The following AGBL1 variants were observed in gnomAD, a reference collection of about 807,000 sequenced individuals.
The protein encoded by AGBL1 is AGBL carboxypeptidase 1, also known as cytosolic carboxypeptidase 4.
A neutral mutation model predicts 118.9 loss-of-function variants in AGBL1; 130 were observed. The observed-to-expected ratio is 1.09, with a 90% CI of 0.95 to 1.26. The LOEUF (loss-of-function observed/expected upper bound fraction) is 1.26, where lower values mean the gene tolerates loss of function less well. Ranked by LOEUF, AGBL1 falls within the 50% of genes most tolerant of loss-of-function variation. The pLI is 0.00. For missense variants in AGBL1, 1,584 were observed against 1,298.1 expected (o/e 1.22, Z -3.38); for synonymous variants, 555 against 478.9 (o/e 1.16, Z -2.08).
At chr15:86,362,564 G>T (rs751738690) in intron 17 of AGBL1, among the ~76,000 whole-genome samples, 3 of 152,152 alleles carry the variant, frequency 2.0e-5, no homozygotes, top group Non-Finnish European at 4.4e-5. Flanking sequence ...CATGTTTCCT[G>T]GATGCCTGGA....
intron 24 of AGBL1, among the ~76,000 whole-genome samples, chr15:87,020,188 C>T (rs566512012): frequency 1.3e-5 from 2 of 151,678 alleles, no homozygotes; most frequent in East Asian, 3.9e-4. Flanking sequence ...GAGGTACAAA[C>T]AAGAGCTGGT....
At chr15:86,578,819 T>C (rs1039040547) in intron 21 of AGBL1, among the ~76,000 whole-genome samples, 1 of 152,192 alleles carries the variant, frequency 6.6e-6, no homozygotes, top group African/African-American at 2.4e-5. Flanking sequence ...CTGTGAAGCC[T>C]CCCAGCCATG....
chr15:86,545,436 C>T (rs1596250179), intron 19 of AGBL1, among the ~76,000 whole-genome samples: 1 of 152,144 alleles, frequency 6.6e-6, no homozygotes, highest in East Asian at 1.9e-4. Context: ...GGTACAAGTA[C>T]AGATTTGTTG....
chr15:86,341,795 C>T (rs1247725452), intron 17 of AGBL1, among the ~76,000 whole-genome samples: 1 of 152,068 alleles, frequency 6.6e-6, no homozygotes, highest in African/African-American at 2.4e-5. Context: ...CTTTGTCCTT[C>T]CTTGTTACTT....
At chr15:86,268,979 A>G (rs116010049) in intron 13 of AGBL1, among the ~76,000 whole-genome samples, 1 of 152,210 alleles carries the variant, frequency 6.6e-6, no homozygotes, top group East Asian at 1.9e-4. Context: ...AAAATGAAAT[A>G]TCCTGATAAT....
At chr15:87,014,048 A>G (rs1307428124) in intron 24 of AGBL1, among the ~76,000 whole-genome samples, 18 of 152,204 alleles carry the variant, frequency 1.2e-4, no homozygotes, top group Non-Finnish European at 4.4e-5. Context: ...CCTAAACTAT[A>G]ATCAATAATA....
chr15:86,780,645 CTTCT>C (rs2078322858), intron 22 of AGBL1, among the ~76,000 whole-genome samples: 1 of 145,066 alleles, frequency 6.9e-6, no homozygotes, highest in South Asian at 2.2e-4. Context: ...TTAATTGGGT[CTTCT>C]TTAACTTCTT....
intron 16 of AGBL1, among the ~76,000 whole-genome samples, chr15:86,286,237 A>G (rs1028643877): frequency 9.2e-5 from 14 of 152,150 alleles, no homozygotes; most frequent in South Asian, 6.2e-4. Flanking sequence ...TGATAAATGA[A>G]TATGTTGCAG....
chr15:86,842,043 G>C (rs1366625008), intron 22 of AGBL1, among the ~76,000 whole-genome samples: 3 of 151,108 alleles, frequency 2.0e-5, no homozygotes, highest in African/African-American at 7.3e-5. Context: ...GTGGATGGAT[G>C]GATGAGTATG....
intron 1 of AGBL1, among the ~76,000 whole-genome samples, chr15:86,119,066 A>C (rs535763418): frequency 6.6e-6 from 1 of 152,288 alleles, no homozygotes; most frequent in South Asian, 2.1e-4. Context: ...CAGGGTCCAA[A>C]GTGCTTGCTC....
rs188383389 is a variant in AGBL1 at position 87,021,043 on chromosome 15, A to G, written c.3324-7782A>G. 2.6e-5 allele frequency among the ~76,000 whole-genome samples: 4 copies of G among 152,226 alleles called. 1 individual carries two copies. The highest frequency in any genetic ancestry group is 3.9e-4 in the East Asian group (2 of 5,178). ...CCAAAAAAGAGCCCATATAGCCAAG[A>G]TGATCCTAAGCAAAAAGAGCAAAGC... On this transcript the variant is annotated intron_variant, in intron 24 of 24. Transcript: ENST00000441037.
rs1035923437 is a variant in AGBL1, at chr15:86,776,660, GTTGTT to G, written c.3158+102233_3158+102237del. ...TATTTATGGAAAAAAGATTTTTGCT[GTTGTT>G]TTGTTTTGCTTTTATTTGAATGGAT... On this transcript the variant is annotated intron_variant, in intron 22 of 22. Coordinates refer to ENST00000614907, the MANE Select transcript of AGBL1 (RefSeq NM_001386094.1). 1.0e-4 allele frequency among the ~76,000 whole-genome samples: 15 copies of G among 148,980 alleles called. No individual in the cohort carries two copies. In the East Asian group the frequency reaches 2.6e-3, roughly 26 times the overall value.
intron 17 of AGBL1, among the ~76,000 whole-genome samples, chr15:86,381,661 G>A (rs1456070366): frequency 2.6e-5 from 4 of 152,198 alleles, no homozygotes; most frequent in Admixed American, 2.0e-4. Context: ...TCTAAAGGAG[G>A]AAAGAAGGAA....
intron 21 of AGBL1, among the ~76,000 whole-genome samples, chr15:86,659,213 C>T (rs1029192365): frequency 1.3e-5 from 2 of 152,176 alleles, no homozygotes; most frequent in Admixed American, 1.3e-4. Flanking sequence ...CCTTGAATCT[C>T]CACTGAATGG....
At chr15:86,422,235 A>G (rs1172127491) in intron 18 of AGBL1, among the ~76,000 whole-genome samples, 3 of 152,250 alleles carry the variant, frequency 2.0e-5, no homozygotes, top group Non-Finnish European at 4.4e-5. Context: ...AATGGAAATC[A>G]TAACAAACAG....
intron 23 of AGBL1, among the ~76,000 whole-genome samples, chr15:86,971,841 A>T (rs1237570149): frequency 6.6e-6 from 1 of 151,954 alleles, no homozygotes; most frequent in Non-Finnish European, 1.5e-5. Flanking sequence ...AGTGGAGGTA[A>T]TTGAATCATG....
chr15:86,745,831 C>T (rs529389745), intron 22 of AGBL1, among the ~76,000 whole-genome samples: 7 of 152,010 alleles, frequency 4.6e-5, no homozygotes, highest in African/African-American at 7.2e-5. Context: ...TCCCATGACA[C>T]CTGGAGAACC....
At chr15:86,289,270 T>A (rs2079506405) in intron 16 of AGBL1, among the ~76,000 whole-genome samples, 1 of 152,180 alleles carries the variant, frequency 6.6e-6, no homozygotes, top group Non-Finnish European at 1.5e-5. Context: ...CATGCTATTT[T>A]CCATGCCTCA....
intron 21 of AGBL1, among the ~76,000 whole-genome samples, chr15:86,657,430 G>A (rs1043973956): frequency 2.0e-5 from 3 of 152,100 alleles, no homozygotes; most frequent in Non-Finnish European, 2.9e-5. Flanking sequence ...CCAGCCTCAG[G>A]GCAGAACCAC....
Sources: gnomAD v4.1 joint callset for allele counts (sites outside exome capture counted in the v4.1 genomes callset) on GRCh38, gnomAD v4.1.1 for gene constraint, MANE v1.5 for transcripts, NCBI Gene and HGNC (gene_info 2026-07-23, HGNC 2026-07-21) for gene names.